C10orf67: variants seen among roughly 807,000 people sequenced by gnomAD.
The protein encoded by C10orf67 is uncharacterized protein C10orf67, mitochondrial.
A neutral mutation model predicts 35.6 loss-of-function variants in C10orf67; 60 were observed. That is an observed-to-expected ratio of 1.68 (90% CI 1.37 to 2.09). The LOEUF is 2.09. Among genes scored for constraint, C10orf67 ranks in the 30% most tolerant of loss-of-function variants. The pLI is 0.00. For missense variants in C10orf67, 474 were observed against 330.2 expected, an observed-to-expected ratio of 1.44 and a Z score of -3.38; for synonymous variants, 167 against 115.8, an observed-to-expected ratio of 1.44 and a Z score of -2.84.
chr10:23,219,180 C>G (rs545703215), intron 15 of C10orf67, among the ~76,000 whole-genome samples: 55 of 152,202 alleles, frequency 3.6e-4, no homozygotes, highest in Middle Eastern at 3.4e-3. Flanking sequence ...CAGATCACCC[C>G]CTGGATGATT....
In C10orf67 at chr10:23,207,098, C is replaced by T. The variant is rs547293475; in HGVS notation, c.1571-2843G>A. On this transcript the variant is annotated intron_variant, in intron 15 of 15. Coordinates refer to ENST00000636213, the MANE Select transcript of C10orf67 (RefSeq NM_001371909.1). ...ATTACAGCTCACACTGCCCAGTTTA[C>T]GAGAAAATGCAAAGGAGCTTGTTTG... Among the ~76,000 whole-genome samples, 15 of 150,964 alleles carry T rather than the reference C, an allele frequency of 9.9e-5. No homozygotes were observed. The East Asian group carries it at 1.2e-3, about 12-fold the overall frequency.
chr10:23,293,925 C>G (rs1843799129), intron 5 of C10orf67, among the ~76,000 whole-genome samples: 1 of 152,184 alleles, frequency 6.6e-6, no homozygotes, highest in Admixed American at 6.5e-5. Context: ...AGGCCCAACC[C>G]AGAGCTACTG....
At chr10:23,231,324 G>A (rs967904384) in intron 13 of C10orf67, among the ~76,000 whole-genome samples, 1 of 152,284 alleles carries the variant, frequency 6.6e-6, no homozygotes, top group East Asian at 1.9e-4. Flanking sequence ...TATCCTTAAG[G>A]ATAAATATTC....
chr10:23,313,226 A>G (rs750877464), intron 4 of C10orf67, among the ~76,000 whole-genome samples: 8 of 152,232 alleles, frequency 5.3e-5, no homozygotes, highest in Non-Finnish European at 1.2e-4. Context: ...TAAGTTTATT[A>G]TCTCTCTTGA....
chr10:23,211,307 C>A (rs1156362539), intron 15 of C10orf67, among the ~76,000 whole-genome samples: 2 of 152,236 alleles, frequency 1.3e-5, no homozygotes, highest in African/African-American at 4.8e-5. Context: ...TCTGTCTTCA[C>A]AGGACGTGTT....
intron 12 of C10orf67, among the ~76,000 whole-genome samples, chr10:23,245,614 A>T (rs1842297497): frequency 6.6e-6 from 1 of 152,214 alleles, no homozygotes; most frequent in Non-Finnish European, 1.5e-5. Flanking sequence ...GCTCAATATC[A>T]CTTATCATCA....
intron 13 of C10orf67, among the ~76,000 whole-genome samples, chr10:23,224,083 C>T (rs568534366): frequency 2.0e-5 from 3 of 152,308 alleles, no homozygotes; most frequent in South Asian, 4.1e-4. Context: ...ACTGTCCCTA[C>T]AATTGAGACT....
At chr10:23,300,127 C>T (rs1378224497) in intron 5 of C10orf67, among the ~76,000 whole-genome samples, 1 of 152,088 alleles carries the variant, frequency 6.6e-6, no homozygotes, top group East Asian at 1.9e-4. Flanking sequence ...TCCTGCTGCT[C>T]GATCATCCGG....
At chr10:23,246,751 G>T (rs1383337990) in intron 12 of C10orf67, among the ~76,000 whole-genome samples, 3 of 152,018 alleles carry the variant, frequency 2.0e-5, no homozygotes, top group Admixed American at 1.3e-4. Context: ...TTTTTAACAA[G>T]AAAGTTTAAA....
intron 7 of C10orf67, among the ~76,000 whole-genome samples, chr10:23,287,561 G>A (rs574107911): frequency 2.0e-5 from 3 of 152,108 alleles, no homozygotes; most frequent in East Asian, 3.8e-4. Flanking sequence ...GGACATAGGT[G>A]TGGGCAAACA....
At chr10:23,218,369 A>G (rs985631379) in intron 15 of C10orf67, among the ~76,000 whole-genome samples, 19 of 149,064 alleles carry the variant, frequency 1.3e-4, no homozygotes, top group Middle Eastern at 3.6e-3. Flanking sequence ...GTGGTTCTCA[A>G]ACCCCTGAGC....
At chr10:23,303,268 A>G (rs1394991025) in intron 5 of C10orf67, 36 bp downstream of exon 5, 12 of 484,486 alleles carry the variant, frequency 2.5e-5, no homozygotes, top group Non-Finnish European at 4.5e-5. Flanking sequence ...TTATTTATGT[A>G]TATTAAAATT....
chr10:23,299,346 T>C (rs2132277263), intron 5 of C10orf67, among the ~76,000 whole-genome samples: 1 of 152,266 alleles, frequency 6.6e-6, no homozygotes, highest in African/African-American at 2.4e-5. Context: ...AAAGGAGGCG[T>C]AATCCTTTAG....
intron 12 of C10orf67, among the ~76,000 whole-genome samples, chr10:23,246,411 T>A (rs1372639830): frequency 2.0e-5 from 3 of 151,978 alleles, no homozygotes; most frequent in Non-Finnish European, 2.9e-5. Flanking sequence ...AAAAAGTCAA[T>A]GAAAAGACAT....
intron 13 of C10orf67, among the ~76,000 whole-genome samples, chr10:23,231,631 T>C (rs923783787): frequency 1.3e-5 from 2 of 152,248 alleles, no homozygotes; most frequent in Non-Finnish European, 1.5e-5. Flanking sequence ...AGTACTCTTA[T>C]GACCAGCAAT....
At chr10:23,323,934 T>TATATATATATAC (rs1564513660) in intron 2 of C10orf67, among the ~76,000 whole-genome samples, 6 of 63,792 alleles carry the variant, frequency 9.4e-5, no homozygotes, top group Non-Finnish European at 1.7e-4. Context: ...TATATATATA[T>TATATATATATAC]ATATATATAT....
chr10:23,251,408 T>A (rs926674715), intron 10 of C10orf67, among the ~76,000 whole-genome samples: 7 of 152,188 alleles, frequency 4.6e-5, no homozygotes, highest in African/African-American at 1.2e-4. Context: ...TCAAAACAGT[T>A]CTCAAGAAAG....
intron 4 of C10orf67, chr10:23,318,822 G>T: frequency 4.1e-6 from 3 of 737,536 alleles, no homozygotes; most frequent in Non-Finnish European, 7.6e-6. Flanking sequence ...TTACTTTCAT[G>T]GCTCCATGAC....
chr10:23,235,012 C>CAAAAAAAAAAAAAAAAAAAAACAAAA (rs57049730), intron 13 of C10orf67, among the ~76,000 whole-genome samples: 1 of 76,030 alleles, frequency 1.3e-5, no homozygotes, highest in Non-Finnish European at 2.6e-5. Context: ...AATTCCATCT[C>CAAAAAAAAAAAAAAAAAAAAACAAAA]AAAAAAAAAA....
Sources: gnomAD v4.1 joint callset for allele counts (sites outside exome capture counted in the v4.1 genomes callset) on GRCh38, gnomAD v4.1.1 for gene constraint, MANE v1.5 for transcripts, NCBI Gene and HGNC (gene_info 2026-07-23, HGNC 2026-07-21) for gene names.